CNTN5: variants seen among roughly 807,000 people sequenced by gnomAD.
CNTN5 encodes the protein contactin-5.
Under a neutral mutation model 129.1 loss-of-function variants are expected in CNTN5, and 77 were observed. The ratio of observed to expected loss-of-function variants is 0.60; its 90% CI spans 0.50 to 0.72. The LOEUF (loss-of-function observed/expected upper bound fraction) is 0.72. Among genes scored for constraint, CNTN5 ranks in the 30% least tolerant of loss-of-function variants. The pLI is 0.00. For synonymous variants in CNTN5, 509 were observed against 465.6 expected (o/e 1.09, Z -1.20); for missense variants, 1,478 against 1,328.8 (o/e 1.11, Z -1.75).
intron 2 of CNTN5, among the ~76,000 whole-genome samples, chr11:99,407,396 C>G (rs949411252): frequency 2.2e-4 from 34 of 151,968 alleles, no homozygotes; most frequent in African/African-American, 7.5e-4. Context: ...TGACTAGTGC[C>G]CTGTCCTGCT....
intron 9 of CNTN5, among the ~76,000 whole-genome samples, chr11:100,007,264 A>T (rs3911286): frequency 0.37 from 56,740 of 151,804 alleles, 12,008 homozygotes; most frequent in African/African-American, 0.57. Flanking sequence ...TTGGCTTCAG[A>T]TTCAACGTCA....
chr11:99,775,348 T>A (rs1945087249), intron 3 of CNTN5, among the ~76,000 whole-genome samples: 2 of 120,980 alleles, frequency 1.7e-5, no homozygotes, highest in Non-Finnish European at 3.7e-5. Context: ...GAGATGCAGA[T>A]TTCCTGGGGA....
At chr11:99,819,313 TCC>T (rs1565566888) in intron 3 of CNTN5, among the ~76,000 whole-genome samples, 48 of 18,054 alleles carry the variant, frequency 2.7e-3, no homozygotes, top group South Asian at 4.7e-3. Context: ...CCCTCCCCTC[TCC>T]TCCCCTCCCC....
At chr11:99,497,902 G>A (rs75359020) in intron 2 of CNTN5, among the ~76,000 whole-genome samples, 6,173 of 152,238 alleles carry the variant, frequency 0.041, 172 homozygotes, top group South Asian at 0.084. Flanking sequence ...GTCTCCAGGT[G>A]AGACTTGTTT....
chr11:99,060,161 C>T (rs1031843809), intron 1 of CNTN5, among the ~76,000 whole-genome samples: 30 of 151,812 alleles, frequency 2.0e-4, no homozygotes, highest in African/African-American at 7.3e-4. Flanking sequence ...TATGTATGGG[C>T]CTGTAAATAA....
At chr11:99,598,699 G>C (rs905921477) in intron 3 of CNTN5, among the ~76,000 whole-genome samples, 2 of 151,694 alleles carry the variant, frequency 1.3e-5, no homozygotes, top group African/African-American at 4.8e-5. Flanking sequence ...GCCAGTGATA[G>C]CTGAGGGAAG....
At chr11:99,033,682 G>T (rs1445691433) in intron 1 of CNTN5, among the ~76,000 whole-genome samples, 2 of 151,306 alleles carry the variant, frequency 1.3e-5, no homozygotes, top group Admixed American at 1.3e-4. Flanking sequence ...AGACAATGGG[G>T]TTTTCTAGAT....
At chr11:100,240,220 C>CCCA (rs1396010977) in intron 16 of CNTN5, among the ~76,000 whole-genome samples, 1 of 139,154 alleles carries the variant, frequency 7.2e-6, no homozygotes, top group African/African-American at 3.4e-5. Context: ...ATTATCAACA[C>CCCA]CCCGCCCCAC....
At chr11:99,481,108 A>G (rs1395777075) in intron 2 of CNTN5, among the ~76,000 whole-genome samples, 1 of 152,146 alleles carries the variant, frequency 6.6e-6, no homozygotes, top group Non-Finnish European at 1.5e-5. Context: ...CATTTAAAAA[A>G]AAAAGAATAT....
At chr11:99,120,836 C>T (rs1054401158) in intron 1 of CNTN5, among the ~76,000 whole-genome samples, 7 of 152,066 alleles carry the variant, frequency 4.6e-5, no homozygotes, top group African/African-American at 1.7e-4. Context: ...TGAATTTTCT[C>T]AAGATTGGAC....
At chr11:99,531,180 C>T (rs1433652394) in intron 2 of CNTN5, among the ~76,000 whole-genome samples, 1 of 152,134 alleles carries the variant, frequency 6.6e-6, no homozygotes, top group Non-Finnish European at 1.5e-5. Context: ...AGATGAGGAA[C>T]TTGTGGGGAA....
At chr11:99,118,919 G>C (rs138565065) in intron 1 of CNTN5, among the ~76,000 whole-genome samples, 1 of 151,422 alleles carries the variant, frequency 6.6e-6, no homozygotes, top group South Asian at 2.1e-4. Flanking sequence ...TAATTATGCT[G>C]TATTTATTAT....
intron 2 of CNTN5, among the ~76,000 whole-genome samples, chr11:99,487,881 A>G (rs1945877986): frequency 1.3e-5 from 2 of 152,188 alleles, no homozygotes; most frequent in Non-Finnish European, 2.9e-5. Context: ...CGTGCCACAT[A>G]CTTGCATAGC....
chr11:99,075,149 A>T (rs1177573612), intron 1 of CNTN5, among the ~76,000 whole-genome samples: 1 of 152,220 alleles, frequency 6.6e-6, no homozygotes, highest in Non-Finnish European at 1.5e-5. Flanking sequence ...CTCTGCAAAG[A>T]TTTAAGTTTC....
chr11:99,631,708 AC>A (rs1951358114), intron 3 of CNTN5, among the ~76,000 whole-genome samples: 1 of 95,120 alleles, frequency 1.1e-5, no homozygotes, highest in South Asian at 3.0e-4. Flanking sequence ...TTGGGAAAAC[AC>A]ACACAAAGAC....
intron 8 of CNTN5, among the ~76,000 whole-genome samples, chr11:99,989,740 T>C (rs1366667926): frequency 2.0e-5 from 3 of 152,148 alleles, no homozygotes; most frequent in Non-Finnish European, 4.4e-5. Context: ...TAACCCTTTG[T>C]TATAAAATTT....
chr11:99,464,157 C>T (rs1042749091), intron 2 of CNTN5, among the ~76,000 whole-genome samples: 1 of 152,096 alleles, frequency 6.6e-6, no homozygotes, highest in Non-Finnish European at 1.5e-5. Flanking sequence ...GCTAAGTGTT[C>T]CTTGGACTCT....
chr11:100,357,251 GT>G lies in CNTN5; in HGVS notation c.*1033del, dbSNP rs2082354886. On this transcript the variant is annotated 3_prime_UTR_variant, in exon 25 of 25. Transcript: ENST00000524871. ...AAATAAGTTTTGATTTTTAAAAACA[GT>G]TCCATGCATCACATACCACTGATAA... The G allele has an allele frequency of 6.6e-6, 1 of 151,740 alleles. No individual in the cohort carries two copies. Among genetic ancestry groups the G allele is most frequent in the South Asian group, 2.1e-4 (1 of 4,834 alleles). The allele number at this position is 151,740 out of a possible 1,614,324, so 9.4% of individuals were successfully genotyped here. A position where few individuals can be genotyped will look rare whatever the true frequency, so the allele number is the denominator to read the frequency against.
chr11:100,200,084 C>T (rs759985205), intron 15 of CNTN5, among the ~76,000 whole-genome samples: 13 of 151,824 alleles, frequency 8.6e-5, no homozygotes, highest in African/African-American at 1.2e-4. Context: ...TGGAATATCA[C>T]GTTAGCACAG....
Sources: allele counts gnomAD v4.1 joint callset (sites outside exome capture counted in the v4.1 genomes callset), GRCh38; gene constraint gnomAD v4.1.1; transcripts MANE v1.5; gene names NCBI Gene and HGNC (gene_info 2026-07-23, HGNC 2026-07-21).